Variants in MICAL3 observed in about 807,000 individuals in gnomAD.
MICAL3 encodes microtubule associated monooxygenase, calponin and LIM domain containing 3, also known as [F-actin]-monooxygenase MICAL3.
MICAL3 carries 62 observed loss-of-function variants against 207.4 expected under a neutral mutation model. That is an observed-to-expected ratio of 0.30 (90% confidence interval 0.24 to 0.37). MICAL3 has a LOEUF of 0.37. MICAL3 is among the 10% of genes least tolerant of loss of function. The probability of loss-of-function intolerance (pLI) is 1.00; values close to 1 mark genes in which losing one functional copy is unlikely to be tolerated. For synonymous variants in MICAL3, 1,077 were observed against 1,069.3 expected (o/e 1.01, Z -0.14); for missense variants, 2,368 against 2,635.6 (o/e 0.90, Z 2.22).
At chr22:17,986,390 C>T (rs555332981) in intron 1 of MICAL3, among the ~76,000 whole-genome samples, 1 of 152,260 alleles carries the variant, frequency 6.6e-6, no homozygotes, top group South Asian at 2.1e-4. Context: ...TGTGGTAACA[C>T]ACGCCTGTAG....
At chr22:17,822,304 C>G (rs766050119) in intron 23 of MICAL3, 134 bp from the exon 24 acceptor site, 1 of 1,175,916 alleles carries the variant, frequency 8.5e-7, no homozygotes, top group East Asian at 2.6e-5. Context: ...CCTTCTTACG[C>G]AGGGACAGAC....
At chr22:17,981,440 T>C (rs1422916212) in intron 1 of MICAL3, among the ~76,000 whole-genome samples, 2 of 152,204 alleles carry the variant, frequency 1.3e-5, no homozygotes, top group East Asian at 1.9e-4. Context: ...CAGAAGAATA[T>C]TTACTCAATT....
chr22:17,875,448 T>C, intron 16 of MICAL3: 1 of 1,551,892 alleles, frequency 6.4e-7, no homozygotes, highest in South Asian at 1.2e-5. Context: ...CCATGCTACC[T>C]GTCGGAGGGA....
intron 1 of MICAL3, among the ~76,000 whole-genome samples, chr22:18,015,076 A>G (rs1923969655): frequency 6.6e-6 from 1 of 152,132 alleles, no homozygotes; most frequent in Non-Finnish European, 1.5e-5. Context: ...TGTGATTGTG[A>G]AAAGTACAAC....
chr22:17,943,398 A>T (rs533257290), intron 1 of MICAL3, among the ~76,000 whole-genome samples: 1 of 152,290 alleles, frequency 6.6e-6, no homozygotes, highest in South Asian at 2.1e-4. Context: ...TCCTGACCTC[A>T]GGTGATCCAC....
At chr22:17,850,155 G>A (rs921577546) in intron 19 of MICAL3, among the ~76,000 whole-genome samples, 2 of 152,120 alleles carry the variant, frequency 1.3e-5, no homozygotes, top group African/African-American at 4.8e-5. Context: ...GGGAAATTCT[G>A]AGTTAAATAC....
At chr22:17,859,553 A>G (rs762340451) in intron 19 of MICAL3, among the ~76,000 whole-genome samples, 2 of 152,242 alleles carry the variant, frequency 1.3e-5, no homozygotes, top group Non-Finnish European at 2.9e-5. Context: ...AGGCTGGAGA[A>G]GGGCCAAAAA....
chr22:17,844,647 C>T (rs1033858311), intron 19 of MICAL3, among the ~76,000 whole-genome samples: 20 of 152,220 alleles, frequency 1.3e-4, no homozygotes, highest in African/African-American at 4.3e-4. Context: ...GGGCAAAACA[C>T]GAATACTTGA....
intron 1 of MICAL3, among the ~76,000 whole-genome samples, chr22:18,002,462 G>A (rs575626301): frequency 1.8e-4 from 27 of 151,844 alleles, no homozygotes; most frequent in African/African-American, 6.0e-4. Context: ...GTGAAACCCC[G>A]TCTCTACTAA....
intron 1 of MICAL3, among the ~76,000 whole-genome samples, chr22:17,973,378 AGG>A (rs1371890880): frequency 2.0e-5 from 3 of 152,200 alleles, no homozygotes; most frequent in Non-Finnish European, 4.4e-5. Context: ...TTACTTCTGT[AGG>A]GTATGTAACT....
At chr22:17,934,731 CCTT>C (rs1011764279) in intron 1 of MICAL3, among the ~76,000 whole-genome samples, 5 of 152,160 alleles carry the variant, frequency 3.3e-5, no homozygotes. Flanking sequence ...CCCCAAATCT[CCTT>C]AAGCTGATAA....
intron 7 of MICAL3, among the ~76,000 whole-genome samples, chr22:17,898,366 G>C (rs1760641008): frequency 6.6e-6 from 1 of 152,226 alleles, no homozygotes; most frequent in African/African-American, 2.4e-5. Flanking sequence ...GGGAAAGTGG[G>C]CTGTATAAAC....
In MICAL3 at chr22:17,849,684, G is replaced by A. The variant is rs1449247181; in HGVS notation, c.2606-7667C>T. ...TGTGTGTGTGTGTGTGTGTGTGTGT[G>A]TGTATTTTTTTTTTTTTTTTTTTTT... On this transcript the variant is annotated intron_variant, in intron 19 of 31. Coordinates refer to ENST00000441493, the MANE Select transcript of MICAL3 (RefSeq NM_015241.3). Among the ~76,000 whole-genome samples the A allele has an allele frequency of 1.1e-3, 115 of 102,310 alleles. 1 individual carries two copies. Among genetic ancestry groups the A allele is most frequent in the South Asian group, 3.2e-3 (9 of 2,782 alleles). The allele number at this position is 102,310 out of a possible 152,430, so 67.1% of individuals were successfully genotyped here.
chr22:17,898,782 G>A (rs564380149), intron 7 of MICAL3, among the ~76,000 whole-genome samples: 1 of 152,306 alleles, frequency 6.6e-6, no homozygotes, highest in Non-Finnish European at 1.5e-5. Flanking sequence ...CATCATCTCA[G>A]GGCACACCAT....
Position 17,818,506 on chromosome 22 carries a change from G to A in MICAL3, c.4155C>T (p.Ile1385=), listed in dbSNP as rs201324205. ...GCTTTGGCAGGCCCAGCCTTTTGGGGATGGACAGAGGCTTGAGAAGGTGGA... is the reference window on the plus strand; with the variant it reads ...GCTTTGGCAGGCCCAGCCTTTTGGGAATGGACAGAGGCTTGAGAAGGTGGA... ...EGLHLLKPLS[I]PKRLGLPKPE... Residue 1385 remains isoleucine (I), a synonymous_variant, in exon 26 of 32, where the codon ATC becomes ATT. Coordinates refer to ENST00000441493, the MANE Select transcript of MICAL3 (RefSeq NM_015241.3). The A allele has an allele frequency of 6.2e-7, 1 of 1,613,270 alleles. No homozygotes were observed. The highest frequency in any genetic ancestry group is 2.2e-5 in the East Asian group (1 of 44,880).
intron 1 of MICAL3, among the ~76,000 whole-genome samples, chr22:17,988,467 T>C (rs1921280237): frequency 6.6e-6 from 1 of 152,216 alleles, no homozygotes; most frequent in Non-Finnish European, 1.5e-5. Context: ...TTTGGTTTTG[T>C]TTCCTGAGAC....
intron 22 of MICAL3, among the ~76,000 whole-genome samples, chr22:17,824,312 C>T (rs992270499): frequency 5.3e-5 from 8 of 152,184 alleles, no homozygotes; most frequent in South Asian, 2.1e-4. Flanking sequence ...TACAAGAGTC[C>T]GCACGGATCA....
At chr22:17,906,918 T>C in intron 1 of MICAL3, 32 bp from the exon 2 acceptor site, 3 of 1,125,828 alleles carry the variant, frequency 2.7e-6, no homozygotes, top group Non-Finnish European at 2.5e-6. Flanking sequence ...GTGGTTAGCA[T>C]TTCTCTGTCT....
At chr22:18,001,175 A>T (rs2146489319) in intron 1 of MICAL3, 1 of 152,188 alleles carries the variant, frequency 6.6e-6, no homozygotes, top group African/African-American at 2.4e-5. Flanking sequence ...ACGCAGGGTT[A>T]TAAGCGCAGC....
Sources: allele counts gnomAD v4.1 joint callset (sites outside exome capture counted in the v4.1 genomes callset), GRCh38; gene constraint gnomAD v4.1.1; transcripts MANE v1.5; gene names NCBI Gene and HGNC (gene_info 2026-07-23, HGNC 2026-07-21).